FRAS1: variants seen among roughly 807,000 people sequenced by gnomAD.
FRAS1 encodes extracellular matrix organizing protein FRAS1.
FRAS1 carries 290 observed loss-of-function variants against 435.2 expected under a neutral mutation model. The observed-to-expected ratio is 0.67, with a 90% CI of 0.61 to 0.73. FRAS1 has a LOEUF of 0.73. Among genes scored for constraint, FRAS1 ranks in the 30% least tolerant of loss-of-function variants. FRAS1 has a pLI of 0.00. For missense variants in FRAS1, 4,860 were observed against 5,001.5 expected (o/e 0.97, Z 0.85); for synonymous variants, 1,800 against 1,851.0 (o/e 0.97, Z 0.71).
At chr4:78,407,432 C>G (rs1208257820) in intron 30 of FRAS1, among the ~76,000 whole-genome samples, 2 of 152,088 alleles carry the variant, frequency 1.3e-5, no homozygotes. Flanking sequence ...ATGAATTGTC[C>G]TTGAATGACT....
chr4:78,302,404 A>AGTCCC (rs1210288505), intron 14 of FRAS1, among the ~76,000 whole-genome samples: 1 of 151,680 alleles, frequency 6.6e-6, no homozygotes, highest in Non-Finnish European at 1.5e-5. Context: ...TGGTATTTCT[A>AGTCCC]GTTCTAGATC....
intron 2 of FRAS1, among the ~76,000 whole-genome samples, chr4:78,099,588 C>G (rs905651033): frequency 2.0e-5 from 3 of 152,222 alleles, no homozygotes; most frequent in South Asian, 2.1e-4. Context: ...GTGCTTCACA[C>G]TTATCCATTC....
At chr4:78,115,068 T>C (rs1264446607) in intron 2 of FRAS1, among the ~76,000 whole-genome samples, 3 of 152,132 alleles carry the variant, frequency 2.0e-5, no homozygotes, top group Non-Finnish European at 4.4e-5. Flanking sequence ...AAAGGCCTTT[T>C]CTGCACTATT....
intron 31 of FRAS1, among the ~76,000 whole-genome samples, chr4:78,411,395 A>G (rs2867066): frequency 0.12 from 17,991 of 152,152 alleles, 1,269 homozygotes; most frequent in East Asian, 0.32. Flanking sequence ...TACAGGCGTG[A>G]GCCACCCCGT....
chr4:78,448,205 T>C lies in FRAS1; in HGVS notation c.6163T>C (p.Ser2055Pro). 6.2e-7 allele frequency: 1 copy of C among 1,613,316 alleles called. No homozygotes were observed. The highest frequency in any genetic ancestry group is 8.5e-7 in the Non-Finnish European group (1 of 1,179,792). ...PGMVVDEFQF[S>P]LTDGLHVDTG... is the part of the protein sequence containing the mutation. ...CATGGTCGTGGATGAGTTCCAGTTC[T>C]CCCTCACTGATGGCCTCCACGTGGA... is the stretch of plus-strand genomic sequence containing the variant. The change falls in exon 44 of 74, where the codon TCC (serine) becomes CCC (proline). Residue 2055 changes from serine (S) to proline (P), a missense_variant. Transcript: ENST00000512123.
intron 2 of FRAS1, among the ~76,000 whole-genome samples, chr4:78,132,380 T>C (rs945995240): frequency 4.6e-5 from 7 of 152,222 alleles, no homozygotes; most frequent in Admixed American, 2.0e-4. Context: ...ACCAAAAAAC[T>C]ATCTCTAGCA....
intron 18 of FRAS1, among the ~76,000 whole-genome samples, chr4:78,321,838 CAA>C (rs35661816): frequency 9.9e-4 from 105 of 106,176 alleles, no homozygotes; most frequent in Non-Finnish European, 9.5e-4. Context: ...AAAACTTCGT[CAA>C]AAAAAAAAAA....
At chr4:78,324,877 T>C (rs1404947482) in intron 18 of FRAS1, among the ~76,000 whole-genome samples, 1 of 152,168 alleles carries the variant, frequency 6.6e-6, no homozygotes. Flanking sequence ...GCCATGTAAT[T>C]ACCCCCATTC....
intron 67 of FRAS1, among the ~76,000 whole-genome samples, chr4:78,521,250 T>G (rs1261562055): frequency 6.6e-6 from 1 of 152,076 alleles, no homozygotes; most frequent in African/African-American, 2.4e-5. Flanking sequence ...ATTTTTTTGC[T>G]GAACCCTGCA....
At chr4:78,103,702 T>C (rs1283448444) in intron 2 of FRAS1, among the ~76,000 whole-genome samples, 1 of 152,138 alleles carries the variant, frequency 6.6e-6, no homozygotes, top group Non-Finnish European at 1.5e-5. Context: ...CCAACCCCTT[T>C]CACCATGTGA....
chr4:78,519,479 C>G lies in FRAS1; in HGVS notation c.10538C>G (p.Thr3513Arg). ...SFFYDTVLWR[T>R]GIQTDSVLSA... is the part of the protein sequence containing the mutation. ...TTCTATGACACTGTTCTCTGGAGAA[C>G]AGGTATGCCCACTGACGCCTTAACT... The change falls in exon 67 of 74, where the codon ACA becomes AGA. Residue 3513 changes from threonine to arginine, a missense_variant and splice_region_variant. Physicochemically the swap from Thr to Arg is moderately conservative, Grantham distance 71. Coordinates refer to ENST00000512123, the MANE Select transcript of FRAS1 (RefSeq NM_025074.7). 6.2e-7 allele frequency: 1 copy of G among 1,607,604 alleles called. No homozygotes were observed. The highest frequency in any genetic ancestry group is 8.5e-7 in the Non-Finnish European group (1 of 1,177,492).
Position 78,542,331 on chromosome 4 carries a change from A to T in FRAS1, c.*1207A>T, listed in dbSNP as rs1191822698. On this transcript the variant is annotated 3_prime_UTR_variant, in exon 74 of 74. Coordinates refer to ENST00000512123, the MANE Select transcript of FRAS1 (RefSeq NM_025074.7). ...TGAACACATGGCTCTAAAATAATTTAGTGTTCAAGTATCAGCTTAACTATT... is the reference window on the plus strand; with the variant it reads ...TGAACACATGGCTCTAAAATAATTTTGTGTTCAAGTATCAGCTTAACTATT... 6.6e-6 allele frequency: 1 copy of T among 152,254 alleles called. No individual in the cohort carries two copies. The highest frequency in any genetic ancestry group is 2.4e-5 in the African/African-American group (1 of 41,466). The allele number at this position is 152,254 out of a possible 1,614,324, so 9.4% of individuals were successfully genotyped here. A position where few individuals can be genotyped will look rare whatever the true frequency, so the allele number is the denominator to read the frequency against.
chr4:78,518,454 T>TATA (rs1560423230), intron 66 of FRAS1, among the ~76,000 whole-genome samples: 153 of 100,804 alleles, frequency 1.5e-3, no homozygotes, highest in African/African-American at 5.9e-3. Flanking sequence ...ATATATATAT[T>TATA]TATTTATTTA....
At chr4:78,197,940 C>CAA in intron 2 of FRAS1, among the ~76,000 whole-genome samples, 1 of 144,708 alleles carries the variant, frequency 6.9e-6, no homozygotes, top group Non-Finnish European at 1.5e-5. Flanking sequence ...GACTCCCTCT[C>CAA]AAAAAAAAAA....
At chr4:78,156,153 G>T (rs1343567657) in intron 2 of FRAS1, among the ~76,000 whole-genome samples, 1 of 152,070 alleles carries the variant, frequency 6.6e-6, no homozygotes, top group African/African-American at 2.4e-5. Flanking sequence ...GTATTCAAAG[G>T]GCGGAGGTGC....
At chr4:78,422,206 T>A (rs1733816852) in intron 34 of FRAS1, among the ~76,000 whole-genome samples, 2 of 152,166 alleles carry the variant, frequency 1.3e-5, no homozygotes, top group Middle Eastern at 6.8e-3. Context: ...CATTGAGGCA[T>A]ACTTTCAGTA....
chr4:78,450,728 A>G (rs904265173), intron 45 of FRAS1, among the ~76,000 whole-genome samples: 2 of 152,186 alleles, frequency 1.3e-5, no homozygotes, highest in Admixed American at 6.5e-5. Context: ...CAGCTCCCCA[A>G]AGAGCACAAG....
At chr4:78,483,265 G>A (rs1010807092) in intron 58 of FRAS1, among the ~76,000 whole-genome samples, 8 of 152,184 alleles carry the variant, frequency 5.3e-5, no homozygotes, top group Non-Finnish European at 1.5e-5. Flanking sequence ...TGTAGGTGAT[G>A]TGCAGGGATG....
At chr4:78,138,749 G>C (rs1720032383) in intron 2 of FRAS1, among the ~76,000 whole-genome samples, 1 of 152,150 alleles carries the variant, frequency 6.6e-6, no homozygotes, top group Non-Finnish European at 1.5e-5. Context: ...ATGCATATGA[G>C]ATAAGGTGGG....
Sources: gnomAD v4.1 joint callset for allele counts (sites outside exome capture counted in the v4.1 genomes callset) on GRCh38, gnomAD v4.1.1 for gene constraint, MANE v1.5 for transcripts, NCBI Gene and HGNC (gene_info 2026-07-23, HGNC 2026-07-21) for gene names.